The following FSTL5 variants were observed in gnomAD, a reference collection of about 807,000 sequenced individuals.
The protein encoded by FSTL5 is follistatin-related protein 5.
A neutral mutation model predicts 89.1 loss-of-function variants in FSTL5; 62 were observed. The ratio of observed to expected loss-of-function variants is 0.70; its 90% CI spans 0.57 to 0.86. FSTL5 has a LOEUF of 0.86. Ranked by LOEUF, FSTL5 falls within the 40% of genes least tolerant of loss-of-function variation. The probability of loss-of-function intolerance (pLI) is 0.00; values close to 1 mark genes in which losing one functional copy is unlikely to be tolerated. For missense variants in FSTL5, 1,057 were observed against 1,001.6 expected, an observed-to-expected ratio of 1.06 and a Z score of -0.75; for synonymous variants, 383 against 346.2, an observed-to-expected ratio of 1.11 and a Z score of -1.18.
chr4:161,812,494 A>G (rs1730182325), intron 4 of FSTL5, among the ~76,000 whole-genome samples: 1 of 138,770 alleles, frequency 7.2e-6, no homozygotes, highest in Admixed American at 7.8e-5. Flanking sequence ...CTGTGTCTCA[A>G]TAGCCCATCT....
chr4:161,617,168 T>C (rs1350696603), intron 7 of FSTL5, among the ~76,000 whole-genome samples: 1 of 151,882 alleles, frequency 6.6e-6, no homozygotes, highest in Non-Finnish European at 1.5e-5. Context: ...CTCATATTTA[T>C]ATAAATTCAT....
chr4:161,635,797 G>T (rs142977231), intron 7 of FSTL5, among the ~76,000 whole-genome samples: 2,247 of 152,214 alleles, frequency 0.015, 48 homozygotes, highest in African/African-American at 0.049. Context: ...TCAGTATAAA[G>T]ATGCTTGAAT....
At chr4:161,703,395 A>C (rs1738468586) in intron 6 of FSTL5, among the ~76,000 whole-genome samples, 1 of 151,992 alleles carries the variant, frequency 6.6e-6, no homozygotes, top group Admixed American at 6.6e-5. Context: ...CAAGTTAATA[A>C]ATTTAAATTT....
At chr4:161,915,564 C>T (rs892925648) in intron 4 of FSTL5, among the ~76,000 whole-genome samples, 6 of 151,888 alleles carry the variant, frequency 4.0e-5, no homozygotes, top group South Asian at 4.2e-4. Flanking sequence ...TTCACATCAC[C>T]GAATTAAAAA....
chr4:161,654,825 C>T (rs1352617884), intron 7 of FSTL5, among the ~76,000 whole-genome samples: 1 of 152,028 alleles, frequency 6.6e-6, no homozygotes, highest in African/African-American at 2.4e-5. Context: ...ACCTCATTTC[C>T]ACAGATACCC....
At chr4:161,394,829 A>C (rs2110886776) in intron 15 of FSTL5, among the ~76,000 whole-genome samples, 1 of 152,312 alleles carries the variant, frequency 6.6e-6, no homozygotes, top group East Asian at 1.9e-4. Flanking sequence ...CAAATTAGGG[A>C]AAATAAAGTC....
At chr4:162,077,430 C>T (rs7673964) in intron 2 of FSTL5, among the ~76,000 whole-genome samples, 13,979 of 151,886 alleles carry the variant, frequency 0.092, 768 homozygotes, top group Non-Finnish European at 0.12. Context: ...CTATTTCTGT[C>T]TTGCTTAAAG....
In FSTL5 at chr4:161,856,513, T is replaced by C. The variant is rs76836593; in HGVS notation, c.409+63891A>G. On this transcript the variant is annotated intron_variant, in intron 4 of 15. Coordinates refer to ENST00000306100, the MANE Select transcript of FSTL5 (RefSeq NM_020116.5). ...CCATCAAACATTTATTGGGCATGTA[T>C]TTTGCTAGGTACTCTTCTCAACCTA... 9.6e-3 allele frequency among the ~76,000 whole-genome samples: 1,461 copies of C among 152,096 alleles called. 27 individuals are homozygous for C. The highest frequency in any genetic ancestry group is 0.033 in the African/African-American group (1,374 of 41,510).
At position 161,779,759 on chromosome 4, in the gene FSTL5, T is replaced by TTATATATATATACATATATA. The variant is rs1741554470; in HGVS notation, c.410-3686_410-3685insTATATATGTATATATATATA. On this transcript the variant is annotated intron_variant, in intron 4 of 15. Coordinates refer to ENST00000306100, the MANE Select transcript of FSTL5 (RefSeq NM_020116.5). Reference sequence around the variant, plus strand: ...ATTTGTCCAAGGATTATTTGTAAAGTTATATATATATATATGTATATATAT... The same window carrying TTATATATATATACATATATA: ...ATTTGTCCAAGGATTATTTGTAAAGTTATATATATATACATATATATATATATATATATATGTATATATAT... 1.9e-4 allele frequency among the ~76,000 whole-genome samples: 6 copies of TTATATATATATACATATATA among 31,184 alleles called. 1 individual carries two copies. The highest frequency in any genetic ancestry group is 2.5e-4 in the Non-Finnish European group (5 of 19,996). The allele number at this position is 31,184 out of a possible 152,430, so 20.5% of individuals were successfully genotyped here.
intron 10 of FSTL5, among the ~76,000 whole-genome samples, chr4:161,510,821 T>C (rs949436009): frequency 1.3e-5 from 2 of 151,784 alleles, no homozygotes; most frequent in African/African-American, 4.8e-5. Context: ...CTCTTAAATT[T>C]TGCAATAATC....
intron 8 of FSTL5, among the ~76,000 whole-genome samples, chr4:161,581,212 C>A (rs1376542167): frequency 6.6e-6 from 1 of 152,180 alleles, no homozygotes; most frequent in Admixed American, 6.5e-5. Flanking sequence ...TTGTTCTATG[C>A]CCTACTTAGA....
At chr4:162,149,569 C>T (rs1049677112) in intron 1 of FSTL5, among the ~76,000 whole-genome samples, 28 of 151,956 alleles carry the variant, frequency 1.8e-4, no homozygotes, top group African/African-American at 6.5e-4. Flanking sequence ...ACAAAGATCG[C>T]TAGAGCCCAG....
At chr4:161,511,147 A>G (rs1474437558) in intron 10 of FSTL5, among the ~76,000 whole-genome samples, 1 of 152,178 alleles carries the variant, frequency 6.6e-6, no homozygotes, top group African/African-American at 2.4e-5. Flanking sequence ...CAAAGTTACA[A>G]TAACACTATA....
At chr4:161,562,554 T>C (rs1732642901) in intron 8 of FSTL5, among the ~76,000 whole-genome samples, 1 of 152,042 alleles carries the variant, frequency 6.6e-6, no homozygotes, top group Non-Finnish European at 1.5e-5. Flanking sequence ...CTTCTGCTTA[T>C]TTGGTTAAGT....
At chr4:161,494,478 A>G (rs900317274) in intron 12 of FSTL5, among the ~76,000 whole-genome samples, 1 of 152,208 alleles carries the variant, frequency 6.6e-6, no homozygotes, top group Admixed American at 6.6e-5. Context: ...TTTGAGATAA[A>G]GGACAACAAC....
chr4:161,643,330 C>CT (rs1231492651), intron 7 of FSTL5, among the ~76,000 whole-genome samples: 1 of 152,168 alleles, frequency 6.6e-6, no homozygotes, highest in Admixed American at 6.5e-5. Flanking sequence ...TTTCACCTGG[C>CT]TGTCACCTAA....
At chr4:161,562,106 C>T (rs1023886304) in intron 8 of FSTL5, among the ~76,000 whole-genome samples, 1 of 151,984 alleles carries the variant, frequency 6.6e-6, no homozygotes, top group African/African-American at 2.4e-5. Flanking sequence ...AGTTCATGCT[C>T]ATGGTTTTGC....
intron 6 of FSTL5, among the ~76,000 whole-genome samples, chr4:161,682,708 C>T (rs181044956): frequency 6.6e-6 from 1 of 152,116 alleles, no homozygotes; most frequent in African/African-American, 2.4e-5. Flanking sequence ...CTTCTTCGAC[C>T]TGAAAGACCT....
chr4:161,718,515 G>A (rs1251473437), intron 6 of FSTL5, among the ~76,000 whole-genome samples: 10 of 151,716 alleles, frequency 6.6e-5, no homozygotes, highest in Middle Eastern at 3.4e-3. Flanking sequence ...TGCAACCTCC[G>A]CCTCCCAGGT....
Sources: allele counts gnomAD v4.1 joint callset (sites outside exome capture counted in the v4.1 genomes callset), GRCh38; gene constraint gnomAD v4.1.1; transcripts MANE v1.5; gene names NCBI Gene and HGNC (gene_info 2026-07-23, HGNC 2026-07-21).